The following GALNT13 variants were observed in gnomAD, a reference collection of about 807,000 sequenced individuals.
GALNT13 encodes the protein UDP-GalNAc:polypeptide N-acetylgalactosaminyltransferase 13.
A neutral mutation model predicts 64.2 loss-of-function variants in GALNT13; 28 were observed. The ratio of observed to expected loss-of-function variants is 0.44; its 90% CI spans 0.32 to 0.60. The LOEUF is 0.60. Among genes scored for constraint, GALNT13 ranks in the 20% least tolerant of loss-of-function variants. The pLI is 0.05. For missense variants in GALNT13, 577 were observed against 669.8 expected, an observed-to-expected ratio of 0.86 and a Z score of 1.53; for synonymous variants, 214 against 224.6, an observed-to-expected ratio of 0.95 and a Z score of 0.42.
At chr2:153,769,226 G>A in the GALNT13 span, among the ~76,000 whole-genome samples, 4 of 152,184 alleles carry the variant, frequency 2.6e-5, no homozygotes, top group African/African-American at 9.7e-5. Flanking sequence ...TTATGATGGT[G>A]AATACTATCC....
chr2:153,293,840 G>A, the GALNT13 span, among the ~76,000 whole-genome samples: 1 of 151,672 alleles, frequency 6.6e-6, no homozygotes, highest in Non-Finnish European at 1.5e-5. Context: ...TATCTAGGCT[G>A]AAGTGCAATG....
At chr2:153,238,936 A>G in the GALNT13 span, among the ~76,000 whole-genome samples, 3 of 152,112 alleles carry the variant, frequency 2.0e-5, no homozygotes, top group African/African-American at 7.2e-5. Flanking sequence ...TTTGATTAGT[A>G]TGAACATTTT....
intron 2 of GALNT13, among the ~76,000 whole-genome samples, chr2:153,913,275 C>G (rs2105320205): frequency 6.6e-6 from 1 of 152,118 alleles, no homozygotes; most frequent in Non-Finnish European, 1.5e-5. Context: ...AGGACAATGG[C>G]AATGTGACAG....
In GALNT13 at chr2:154,362,027, A is replaced by T. The variant is rs532765874; in HGVS notation, c.1157-33964A>T. Among the ~76,000 whole-genome samples the T allele has an allele frequency of 9.2e-5, 14 of 152,218 alleles. No homozygotes were observed. In the South Asian group the frequency reaches 2.9e-3, roughly 32 times the overall value. Reference sequence around the variant, plus strand: ...TCCTGCTACTACTGAGCCCAGTCCCATGGAATCAGCTCTAACTAAGCTATC... The same window carrying T: ...TCCTGCTACTACTGAGCCCAGTCCCTTGGAATCAGCTCTAACTAAGCTATC... On this transcript the variant is annotated intron_variant, in intron 9 of 12. Coordinates refer to ENST00000392825, the MANE Select transcript of GALNT13 (RefSeq NM_052917.4).
chr2:153,442,773 G>A, the GALNT13 span, among the ~76,000 whole-genome samples: 1 of 152,180 alleles, frequency 6.6e-6, no homozygotes, highest in African/African-American at 2.4e-5. Context: ...GCAGCAATCT[G>A]ACTACAGCGG....
intron 11 of GALNT13, among the ~76,000 whole-genome samples, chr2:154,416,538 A>C (rs558289361): frequency 2.0e-5 from 3 of 152,228 alleles, no homozygotes; most frequent in Non-Finnish European, 4.4e-5. Flanking sequence ...ATTTCAGTCA[A>C]TCATTCATCC....
intron 2 of GALNT13, among the ~76,000 whole-genome samples, chr2:153,923,837 A>C (rs555356183): frequency 1.3e-5 from 2 of 152,044 alleles, no homozygotes; most frequent in South Asian, 4.1e-4. Flanking sequence ...GATGGTTTCC[A>C]GCTTCATCCA....
At chr2:153,449,498 C>T in the GALNT13 span, among the ~76,000 whole-genome samples, 1 of 152,332 alleles carries the variant, frequency 6.6e-6, no homozygotes, top group South Asian at 2.1e-4. Flanking sequence ...CATTGTCCCT[C>T]CTGCCCTAGA....
At chr2:154,374,446 G>A (rs1284265031) in intron 9 of GALNT13, among the ~76,000 whole-genome samples, 1 of 152,208 alleles carries the variant, frequency 6.6e-6, no homozygotes, top group Non-Finnish European at 1.5e-5. Context: ...CCGATGAGCT[G>A]TTGGAAGAGT....
intron 9 of GALNT13, among the ~76,000 whole-genome samples, chr2:154,360,284 C>T (rs151287955): frequency 1.3e-5 from 2 of 152,200 alleles, no homozygotes; most frequent in South Asian, 4.1e-4. Context: ...ACTGCTGTTG[C>T]TTACAATGTA....
the GALNT13 span, among the ~76,000 whole-genome samples, chr2:153,086,001 A>T: frequency 2.0e-5 from 3 of 152,370 alleles, no homozygotes; most frequent in South Asian, 6.2e-4. Context: ...AATGTGAGAC[A>T]TGGAGTCAAA....
At chr2:153,431,346 T>C in the GALNT13 span, among the ~76,000 whole-genome samples, 1 of 152,264 alleles carries the variant, frequency 6.6e-6, no homozygotes, top group African/African-American at 2.4e-5. Context: ...CTCAGTGTGA[T>C]AGAGGTGATC....
At chr2:153,751,925 T>G in the GALNT13 span, among the ~76,000 whole-genome samples, 3 of 151,852 alleles carry the variant, frequency 2.0e-5, no homozygotes, top group African/African-American at 7.2e-5. Flanking sequence ...CTTCCTGTCT[T>G]TTTTTAATAG....
chr2:153,476,158 A>G, the GALNT13 span, among the ~76,000 whole-genome samples: 1 of 152,328 alleles, frequency 6.6e-6, no homozygotes, highest in East Asian at 1.9e-4. Context: ...TCAAAAAACC[A>G]TCCTAGGTTG....
the GALNT13 span, among the ~76,000 whole-genome samples, chr2:153,769,068 G>A: frequency 6.6e-6 from 1 of 152,122 alleles, no homozygotes; most frequent in East Asian, 1.9e-4. Flanking sequence ...CTCTGTATTT[G>A]TTAGGAGTAT....
rs528410217 is a variant in GALNT13, at chr2:154,152,947, C to T, written c.311+12442C>T. 1.6e-3 allele frequency among the ~76,000 whole-genome samples: 239 copies of T among 152,332 alleles called. 7 individuals carry two copies. The highest frequency in any genetic ancestry group is 6.6e-4 in the Non-Finnish European group (45 of 68,036). ...CTCTCAACTCATCAAAGTCATTCTC[C>T]GTCCAGCTTTGTTCCATTGCTGGTG... On this transcript the variant is annotated intron_variant, in intron 4 of 12. Transcript: ENST00000392825.
the GALNT13 span, among the ~76,000 whole-genome samples, chr2:153,112,385 T>C: frequency 3.1e-4 from 47 of 152,128 alleles, no homozygotes; most frequent in Non-Finnish European, 6.0e-4. Flanking sequence ...TGTTAGTCTG[T>C]CTAATCTAGG....
the GALNT13 span, among the ~76,000 whole-genome samples, chr2:153,653,775 A>G: frequency 4.6e-5 from 7 of 152,264 alleles, no homozygotes; most frequent in South Asian, 2.1e-4. Flanking sequence ...ACAGCCTAAC[A>G]TTTTTTCTGC....
At position 154,395,235 on chromosome 2, in the gene GALNT13, C is replaced by T. The variant is rs565632430; in HGVS notation, c.1157-756C>T. Among the ~76,000 whole-genome samples the T allele has an allele frequency of 9.9e-5, 15 of 152,026 alleles. No homozygotes were observed. The East Asian group carries it at 1.2e-3, about 12-fold the overall frequency. On this transcript the variant is annotated intron_variant, in intron 9 of 12. Transcript: ENST00000392825. Reference sequence around the variant, plus strand: ...ATTAATATTGAGCAAACCAAGTTGTCGTAAAATTTTTTATAAAAATTAGTA... The same window carrying T: ...ATTAATATTGAGCAAACCAAGTTGTTGTAAAATTTTTTATAAAAATTAGTA...
Sources: gnomAD v4.1 joint callset for allele counts (sites outside exome capture counted in the v4.1 genomes callset) on GRCh38, gnomAD v4.1.1 for gene constraint, MANE v1.5 for transcripts, NCBI Gene and HGNC (gene_info 2026-07-23, HGNC 2026-07-21) for gene names.